ACVR1C: variants seen among roughly 807,000 people sequenced by gnomAD.
The protein encoded by ACVR1C is activin A receptor type 1C, also known as activin receptor type-1C.
A neutral mutation model predicts 57.9 loss-of-function variants in ACVR1C; 23 were observed. The ratio of observed to expected loss-of-function variants is 0.40; its 90% CI spans 0.29 to 0.56. The LOEUF (loss-of-function observed/expected upper bound fraction) is 0.56. ACVR1C is among the 20% of genes least tolerant of loss of function. ACVR1C has a pLI of 0.50. For synonymous variants in ACVR1C, 214 were observed against 215.3 expected, an observed-to-expected ratio of 0.99 and a Z score of 0.05; for missense variants, 480 against 607.9, an observed-to-expected ratio of 0.79 and a Z score of 2.21.
At chr2:157,549,603 C>T (rs928068987) in intron 4 of ACVR1C, among the ~76,000 whole-genome samples, 12 of 152,170 alleles carry the variant, frequency 7.9e-5, no homozygotes, top group African/African-American at 2.9e-4. Flanking sequence ...CACTCATTTG[C>T]CCTGCTTCAT....
At chr2:157,539,935 C>T (rs533795119) in intron 7 of ACVR1C, among the ~76,000 whole-genome samples, 9 of 152,304 alleles carry the variant, frequency 5.9e-5, no homozygotes, top group South Asian at 2.1e-4. Flanking sequence ...ACCTTAGAAG[C>T]TTTGCATAAA....
At chr2:157,554,100 T>C (rs1377463857) in intron 3 of ACVR1C, among the ~76,000 whole-genome samples, 1 of 149,902 alleles carries the variant, frequency 6.7e-6, no homozygotes, top group Non-Finnish European at 1.5e-5. Context: ...GGAGAATCAC[T>C]TGAATCCAGG....
At chr2:157,545,320 A>T (rs192837727) in intron 4 of ACVR1C, among the ~76,000 whole-genome samples, 121 of 152,286 alleles carry the variant, frequency 7.9e-4, no homozygotes, top group African/African-American at 2.8e-3. Flanking sequence ...CAGTTCTGAC[A>T]CTCAGGGAAA....
chr2:157,574,317 T>C (rs1057110766), intron 2 of ACVR1C, among the ~76,000 whole-genome samples: 4 of 152,180 alleles, frequency 2.6e-5, no homozygotes, highest in African/African-American at 9.7e-5. Flanking sequence ...TGTGTCCTCT[T>C]ATGGTGGAGG....
chr2:157,555,415 G>A (rs1024123256), intron 3 of ACVR1C, among the ~76,000 whole-genome samples: 2 of 152,232 alleles, frequency 1.3e-5, no homozygotes, highest in East Asian at 3.9e-4. Flanking sequence ...CACCGCGCCC[G>A]GCCGGTACTT....
intron 2 of ACVR1C, among the ~76,000 whole-genome samples, chr2:157,565,970 C>A (rs1688361508): frequency 6.6e-6 from 1 of 152,120 alleles, no homozygotes; most frequent in African/African-American, 2.4e-5. Context: ...GTATAAAGAA[C>A]TTTCACTCAA....
chr2:157,577,261 A>AAGT (rs1688685648), intron 2 of ACVR1C, among the ~76,000 whole-genome samples: 1 of 152,186 alleles, frequency 6.6e-6, no homozygotes, highest in Admixed American at 6.5e-5. Context: ...ATTTTCTAAA[A>AAGT]AGTAGGTTGT....
At chr2:157,576,312 TCTC>T (rs1252219988) in intron 2 of ACVR1C, among the ~76,000 whole-genome samples, 1 of 148,304 alleles carries the variant, frequency 6.7e-6, no homozygotes, top group Non-Finnish European at 1.5e-5. Flanking sequence ...TTCAAGCAAT[TCTC>T]CTGCCTCAGC....
intron 1 of ACVR1C, among the ~76,000 whole-genome samples, chr2:157,599,491 T>A (rs1682232922): frequency 1.3e-5 from 2 of 152,112 alleles, no homozygotes; most frequent in South Asian, 4.1e-4. Flanking sequence ...TCACTCTAGA[T>A]AAGATGTTCA....
intron 7 of ACVR1C, 50 bp from the exon 8 acceptor site, chr2:157,538,753 A>T: frequency 2.8e-6 from 4 of 1,406,290 alleles, no homozygotes; most frequent in Non-Finnish European, 3.7e-6. Flanking sequence ...ATAAACAAAC[A>T]TGTCTATTTT....
At chr2:157,580,650 T>C (rs1573934418) in intron 2 of ACVR1C, among the ~76,000 whole-genome samples, 2 of 152,162 alleles carry the variant, frequency 1.3e-5, no homozygotes, top group East Asian at 3.8e-4. Context: ...AATAAATGAA[T>C]TGCTCGACAG....
At chr2:157,586,471 T>A (rs559245114) in intron 2 of ACVR1C, among the ~76,000 whole-genome samples, 146 of 152,222 alleles carry the variant, frequency 9.6e-4, no homozygotes, top group African/African-American at 3.4e-3. Flanking sequence ...TTAAAGAAAT[T>A]CAATAGCAGG....
At chr2:157,584,164 A>G (rs1688858560) in intron 2 of ACVR1C, among the ~76,000 whole-genome samples, 1 of 151,122 alleles carries the variant, frequency 6.6e-6, no homozygotes, top group South Asian at 2.1e-4. Flanking sequence ...CAATTCAACC[A>G]GAAGAAGATA....
In ACVR1C at chr2:157,565,348, C is replaced by G. The variant is rs1215329853; in HGVS notation, c.305-9016G>C. Among the ~76,000 whole-genome samples, 4 of 152,054 alleles carry G rather than the reference C, an allele frequency of 2.6e-5. No individual in the cohort carries two copies. The East Asian group carries it at 7.8e-4, about 29-fold the overall frequency. ...ACTTACTGGTTGCAGGCAGACACCCCCTCCACTCTCCCATCCTTGACTCCC... is the reference window on the plus strand; with the variant it reads ...ACTTACTGGTTGCAGGCAGACACCCGCTCCACTCTCCCATCCTTGACTCCC... On this transcript the variant is annotated intron_variant, in intron 2 of 8. Coordinates refer to ENST00000243349, the MANE Select transcript of ACVR1C (RefSeq NM_145259.3).
At chr2:157,563,488 C>T (rs915532917) in intron 2 of ACVR1C, among the ~76,000 whole-genome samples, 4 of 152,212 alleles carry the variant, frequency 2.6e-5, no homozygotes, top group African/African-American at 4.8e-5. Flanking sequence ...AATGTAAAAA[C>T]ATTTCATGCT....
At chr2:157,587,902 T>C (rs1168246630) in intron 1 of ACVR1C, among the ~76,000 whole-genome samples, 1 of 152,128 alleles carries the variant, frequency 6.6e-6, no homozygotes. Context: ...AACGCAAAGC[T>C]AACCATAGAT....
At chr2:157,575,661 T>A (rs966473795) in intron 2 of ACVR1C, among the ~76,000 whole-genome samples, 1 of 152,218 alleles carries the variant, frequency 6.6e-6, no homozygotes, top group African/African-American at 2.4e-5. Flanking sequence ...CACATTTAGC[T>A]GCAAGAGTAG....
At chr2:157,542,260 A>C (rs1384034519) in intron 6 of ACVR1C, among the ~76,000 whole-genome samples, 1 of 152,204 alleles carries the variant, frequency 6.6e-6, no homozygotes, top group African/African-American at 2.4e-5. Context: ...CAGCATATAG[A>C]GTCCCTACCT....
intron 3 of ACVR1C, among the ~76,000 whole-genome samples, chr2:157,554,268 A>AAAGGAAGGAAGGAAGGAAGG (rs1160617438): frequency 2.4e-4 from 27 of 113,614 alleles, no homozygotes; most frequent in African/African-American, 1.3e-3. Flanking sequence ...AGAAAGAAAG[A>AAAGGAAGGAAGGAAGGAAGG]AAGGAAGGAA....
Sources: allele counts gnomAD v4.1 joint callset (sites outside exome capture counted in the v4.1 genomes callset), GRCh38; gene constraint gnomAD v4.1.1; transcripts MANE v1.5; gene names NCBI Gene and HGNC (gene_info 2026-07-23, HGNC 2026-07-21).